FGF1: variants seen among roughly 807,000 people sequenced by gnomAD.
FGF1 encodes beta-endothelial cell growth factor.
FGF1 carries 9 observed loss-of-function variants against 13.4 expected under a neutral mutation model. The ratio of observed to expected loss-of-function variants is 0.67; its 90% CI spans 0.40 to 1.17. FGF1 has a LOEUF of 1.17. FGF1 is among the 50% of genes most tolerant of loss of function. The probability of loss-of-function intolerance (pLI) is 0.01; values close to 1 mark genes in which losing one functional copy is unlikely to be tolerated. For synonymous variants in FGF1, 93 were observed against 79.0 expected (o/e 1.18, Z -0.94); for missense variants, 156 against 192.7 (o/e 0.81, Z 1.13).
chr5:142,689,957 TC>T (rs1295997957), upstream of FGF1, among the ~76,000 whole-genome samples: 1 of 146,426 alleles, frequency 6.8e-6, no homozygotes, highest in African/African-American at 2.5e-5. Context: ...CACCTCGGCC[TC>T]CCAAAGTGCT....
chr5:142,595,042 C>A lies in FGF1; in HGVS notation c.*248G>T. On this transcript the variant is annotated 3_prime_UTR_variant, in exon 4 of 4. Coordinates refer to ENST00000337706, the MANE Select transcript of FGF1 (RefSeq NM_000800.5). ...AGCCTGCAAGAGGCAATTGGAGATC[C>A]AAACCCAGACCCAGACTGGCCAGCC... The A allele has an allele frequency of 2.4e-6, 1 of 417,902 alleles. No homozygotes were observed. The highest frequency in any genetic ancestry group is 4.2e-6 in the Non-Finnish European group (1 of 235,404). 25.9% of individuals were successfully genotyped at this position (417,902 alleles called of 1,614,324 possible). A position where few individuals can be genotyped will look rare whatever the true frequency, so the allele number is the denominator to read the frequency against.
At position 142,649,208 on chromosome 5, in the gene FGF1, C is replaced by T. The variant is rs545371643; in HGVS notation, c.-34-35047G>A. On this transcript the variant is annotated intron_variant, in intron 1 of 3. Coordinates refer to ENST00000337706, the MANE Select transcript of FGF1 (RefSeq NM_000800.5). ...CTATCCCCCTTCCTTGAGGCAACTGCTCTGATGAATTGTGTGTGTGTGACA... is the reference window on the plus strand; with the variant it reads ...CTATCCCCCTTCCTTGAGGCAACTGTTCTGATGAATTGTGTGTGTGTGACA... Among the ~76,000 whole-genome samples the T allele has an allele frequency of 4.6e-5, 7 of 152,286 alleles. No homozygotes were observed. The South Asian group carries it at 1.4e-3, about 32-fold the overall frequency.
At chr5:142,614,264 G>T in intron 1 of FGF1, 103 bp from the exon 2 acceptor site, 2 of 869,618 alleles carry the variant, frequency 2.3e-6, no homozygotes, top group Non-Finnish European at 1.8e-6. Flanking sequence ...TTCCCGGGTA[G>T]TGAGTAAGCA....
At chr5:142,631,273 C>T (rs1252328052) in intron 1 of FGF1, among the ~76,000 whole-genome samples, 1 of 152,172 alleles carries the variant, frequency 6.6e-6, no homozygotes, top group East Asian at 1.9e-4. Flanking sequence ...CTCATCAAGT[C>T]CCTGTTCCCT....
At chr5:142,694,194 C>T (rs974812519) in intron 2 of FGF1, among the ~76,000 whole-genome samples, 3 of 139,932 alleles carry the variant, frequency 2.1e-5, no homozygotes, top group Non-Finnish European at 4.7e-5. Context: ...ACCATCATAA[C>T]CTCATGGAGA....
At chr5:142,614,265 T>G in intron 1 of FGF1, 104 bp from the exon 2 acceptor site, 1 of 860,864 alleles carries the variant, frequency 1.2e-6, no homozygotes, top group South Asian at 1.7e-5. Context: ...TCCCGGGTAG[T>G]GAGTAAGCAC....
rs563725440 is a variant in FGF1, at chr5:142,684,321, A to G, written c.-35+1636T>C. Among the ~76,000 whole-genome samples the G allele has an allele frequency of 2.6e-5, 4 of 152,362 alleles. No homozygotes were observed. In the South Asian group the frequency reaches 8.3e-4, roughly 32 times the overall value. On this transcript the variant is annotated intron_variant, in intron 1 of 3. Transcript: ENST00000337706. ...CTCACCTGTAAAGTCAAACCACTTA[A>G]CCAGATATGGCTTCCTTGATCCTTT...
chr5:142,662,816 G>A (rs781730352), intron 1 of FGF1, among the ~76,000 whole-genome samples: 4 of 152,118 alleles, frequency 2.6e-5, no homozygotes, highest in African/African-American at 9.7e-5. Flanking sequence ...TAAAGGTTTA[G>A]AGTATTAAAA....
intron 2 of FGF1, among the ~76,000 whole-genome samples, chr5:142,694,274 G>T (rs1333223863): frequency 6.6e-6 from 1 of 151,910 alleles, no homozygotes; most frequent in Non-Finnish European, 1.5e-5. Context: ...CTGTGCAAAG[G>T]TCACGACTCA....
intron 2 of FGF1, among the ~76,000 whole-genome samples, chr5:142,613,016 C>T (rs1759414300): frequency 6.6e-6 from 1 of 152,200 alleles, no homozygotes; most frequent in Non-Finnish European, 1.5e-5. Flanking sequence ...TCCTTCCTGC[C>T]TGTCTTCTTC....
At position 142,592,447 on chromosome 5, in the gene FGF1, C is replaced by T. The variant is rs1402715801; in HGVS notation, c.*2843G>A. ...CCATTGTGAATCTTTCTTATCATGC[C>T]TTCCAAGGAAACCAATACCTACCTC... On this transcript the variant is annotated 3_prime_UTR_variant, in exon 4 of 4. Coordinates refer to ENST00000337706, the MANE Select transcript of FGF1 (RefSeq NM_000800.5). 7.5e-6 allele frequency: 3 copies of T among 398,424 alleles called. No individual in the cohort carries two copies. The East Asian group carries it at 1.1e-4, about 14-fold the overall frequency. 24.7% of individuals were successfully genotyped at this position (398,424 alleles called of 1,614,324 possible).
At chr5:142,642,806 A>G (rs774750754) in intron 1 of FGF1, among the ~76,000 whole-genome samples, 5 of 152,190 alleles carry the variant, frequency 3.3e-5, no homozygotes, top group Non-Finnish European at 7.4e-5. Context: ...GGGATCCTGT[A>G]GACCAGTGAA....
chr5:142,619,186 A>G lies in FGF1; in HGVS notation c.-34-5025T>C, dbSNP rs554930594. 4.7e-4 allele frequency among the ~76,000 whole-genome samples: 71 copies of G among 152,146 alleles called. No individual in the cohort carries two copies. In the East Asian group the frequency reaches 8.5e-3, roughly 18 times the overall value. On this transcript the variant is annotated intron_variant, in intron 1 of 3. Coordinates refer to ENST00000337706, the MANE Select transcript of FGF1 (RefSeq NM_000800.5). ...CCTGACCTCGTGATCCACCCGCCTC[A>G]GCCTCCCAAAGTGCTGGGATTACAG...
intron 1 of FGF1, among the ~76,000 whole-genome samples, chr5:142,674,560 G>C (rs1036846667): frequency 6.6e-6 from 1 of 152,144 alleles, no homozygotes; most frequent in East Asian, 1.9e-4. Flanking sequence ...CTGGGGGAGA[G>C]ATAATGAGAA....
In FGF1 at chr5:142,592,463, T is replaced by C; in HGVS notation, c.*2827A>G. On this transcript the variant is annotated 3_prime_UTR_variant, in exon 4 of 4. Coordinates refer to ENST00000337706, the MANE Select transcript of FGF1 (RefSeq NM_000800.5). The stretch of plus-strand genomic sequence containing the variant: ...TTATCATGCCTTCCAAGGAAACCAA[T>C]ACCTACCTCCACCACCATCACATTG... 2.5e-6 allele frequency: 1 copy of C among 398,534 alleles called. No individual in the cohort carries two copies. Among genetic ancestry groups the C allele is most frequent in the Non-Finnish European group, 4.4e-6 (1 of 226,002 alleles). The allele number at this position is 398,534 out of a possible 1,614,324, so 24.7% of individuals were successfully genotyped here.
intron 1 of FGF1, among the ~76,000 whole-genome samples, chr5:142,615,209 C>T (rs576678902): frequency 6.6e-6 from 1 of 151,754 alleles, no homozygotes; most frequent in Non-Finnish European, 1.5e-5. Context: ...AGGAAACTAA[C>T]GTGTGAACTG....
chr5:142,666,173 A>T (rs1174739839), intron 1 of FGF1, among the ~76,000 whole-genome samples: 1 of 151,620 alleles, frequency 6.6e-6, no homozygotes, highest in Non-Finnish European at 1.5e-5. Context: ...AGGTCTTGTT[A>T]TATTAGGGTG....
At chr5:142,664,738 T>A (rs1769978842) in intron 1 of FGF1, among the ~76,000 whole-genome samples, 1 of 152,230 alleles carries the variant, frequency 6.6e-6, no homozygotes, top group Admixed American at 6.5e-5. Context: ...TCTAAGCTGG[T>A]TGAGTCTTTT....
chr5:142,687,199 A>G (rs553336832), upstream of FGF1, among the ~76,000 whole-genome samples: 38 of 152,326 alleles, frequency 2.5e-4, 1 homozygote, highest in African/African-American at 9.1e-4. Flanking sequence ...AGAGAGGTAC[A>G]GATCGACCTG....
Sources: allele counts gnomAD v4.1 joint callset (sites outside exome capture counted in the v4.1 genomes callset), GRCh38; gene constraint gnomAD v4.1.1; transcripts MANE v1.5; gene names NCBI Gene and HGNC (gene_info 2026-07-23, HGNC 2026-07-21).